CYFIP1: variants seen among roughly 807,000 people sequenced by gnomAD.
CYFIP1 encodes cytoplasmic FMR1 interacting protein 1, also known as cytoplasmic FMR1-interacting protein 1.
In CYFIP1, 58 loss-of-function variants were observed where a neutral mutation model predicts 163.5. That is an observed-to-expected ratio of 0.35 (90% CI 0.29 to 0.44). The LOEUF (loss-of-function observed/expected upper bound fraction) is 0.44. Ranked by LOEUF, CYFIP1 falls within the 20% of genes least tolerant of loss-of-function variation. The probability of loss-of-function intolerance (pLI) is 1.00; values close to 1 mark genes in which losing one functional copy is unlikely to be tolerated. For missense variants in CYFIP1, 1,338 were observed against 1,653.8 expected, an observed-to-expected ratio of 0.81 and a Z score of 3.31; for synonymous variants, 663 against 660.7, an observed-to-expected ratio of 1.00 and a Z score of -0.05.
chr15:22,914,409 A>C (rs1170108818), intron 17 of CYFIP1, among the ~76,000 whole-genome samples: 1 of 150,596 alleles, frequency 6.6e-6, no homozygotes, highest in Non-Finnish European at 1.5e-5. Context: ...GCTTTACCCC[A>C]GGAAACATGA....
intron 23 of CYFIP1, among the ~76,000 whole-genome samples, chr15:22,888,609 G>C (rs1278178994): frequency 6.6e-6 from 1 of 152,024 alleles, no homozygotes; most frequent in Non-Finnish European, 1.5e-5. Flanking sequence ...GTGCATGCCT[G>C]TAGTCCCAGC....
chr15:22,892,938 T>C lies in CYFIP1; in HGVS notation c.2628A>G (p.Gln876=). 1 of 1,613,818 alleles carries C rather than the reference T, an allele frequency of 6.2e-7. No homozygotes were observed. Among genetic ancestry groups the C allele is most frequent in the Admixed American group, 1.7e-5 (1 of 60,018 alleles). Reference sequence around the variant, plus strand: ...GCTGTGCATTAGGCTGCTTATCTCTTTGAAATTCCTGAGAAAATGGTAACA... The same window carrying C: ...GCTGTGCATTAGGCTGCTTATCTCTCTGAAATTCCTGAGAAAATGGTAACA... The part of the protein sequence containing the change: ...RTVLPFSQEF[Q]RDKQPNAQPQ... The change falls in exon 23 of 31, where the codon CAA becomes CAG. Residue 876 remains glutamine (Q), a synonymous_variant. Transcript: ENST00000617928.
intron 1 of CYFIP1, among the ~76,000 whole-genome samples, chr15:22,955,476 G>T (rs566094010): frequency 6.6e-6 from 1 of 152,330 alleles, no homozygotes; most frequent in Admixed American, 6.5e-5. Flanking sequence ...GCAGCATGGA[G>T]CTGGAGCCAC....
chr15:22,933,925 T>C (rs2061618354), intron 9 of CYFIP1, 32 bp from the exon 10 acceptor site: 2 of 1,501,858 alleles, frequency 1.3e-6, no homozygotes, highest in African/African-American at 1.4e-5. Context: ...ATAGAGTCAT[T>C]ATGTATATTT....
At chr15:22,979,623 T>C (rs1158590667) in intron 1 of CYFIP1, among the ~76,000 whole-genome samples, 1 of 152,172 alleles carries the variant, frequency 6.6e-6, no homozygotes, top group Non-Finnish European at 1.5e-5. Flanking sequence ...TGCACCCTTC[T>C]TGTCACACCC....
chr15:22,952,654 C>T (rs1362572455), intron 1 of CYFIP1, among the ~76,000 whole-genome samples: 1 of 1,896 alleles, frequency 5.3e-4, no homozygotes, highest in East Asian at 0.013. Context: ...GGTGAGACTC[C>T]ATCTCAAAAA....
chr15:22,885,899 C>G (rs567080538), intron 23 of CYFIP1, among the ~76,000 whole-genome samples: 73 of 152,268 alleles, frequency 4.8e-4, no homozygotes, highest in South Asian at 1.5e-3. Flanking sequence ...AGCAGTACTC[C>G]ACTCTACCAG....
chr15:22,885,275 G>A (rs1275663129), intron 23 of CYFIP1, among the ~76,000 whole-genome samples: 3 of 152,202 alleles, frequency 2.0e-5, no homozygotes, highest in East Asian at 1.9e-4. Context: ...CAAGTTCAAT[G>A]TACCACGTAT....
chr15:22,972,309 G>A (rs1368700843), intron 1 of CYFIP1, among the ~76,000 whole-genome samples: 10 of 152,090 alleles, frequency 6.6e-5, no homozygotes, highest in Admixed American at 1.3e-4. Context: ...GGTGGCGCAC[G>A]CCTGTAATCC....
At chr15:22,887,250 C>A (rs2059949979) in intron 23 of CYFIP1, among the ~76,000 whole-genome samples, 1 of 152,140 alleles carries the variant, frequency 6.6e-6, no homozygotes, top group Non-Finnish European at 1.5e-5. Context: ...AAACAAAGAG[C>A]CAAAACTGAT....
At chr15:22,876,836 A>AG (rs1204683652) in intron 26 of CYFIP1, among the ~76,000 whole-genome samples, 1 of 151,652 alleles carries the variant, frequency 6.6e-6, no homozygotes, top group Non-Finnish European at 1.5e-5. Context: ...CAGTCTAAAA[A>AG]AAAAAAGAAA....
rs77879341 is a variant in CYFIP1 at position 22,967,293 on chromosome 15, G to A, written c.-7+12994C>T. Among the ~76,000 whole-genome samples the A allele has an allele frequency of 8.7e-3, 1,320 of 152,236 alleles. 17 individuals are homozygous for A. Among genetic ancestry groups the A allele is most frequent in the African/African-American group, 0.03 (1,234 of 41,520 alleles). ...CCTCAAAAGTGACAATGGCCTGGAC[G>A]GGGCCCGACTAAGCCCTGCTGGCTG... On this transcript the variant is annotated intron_variant, in intron 1 of 30. Transcript: ENST00000617928.
chr15:22,930,528 A>C (rs1458053931), intron 11 of CYFIP1, among the ~76,000 whole-genome samples: 1 of 152,146 alleles, frequency 6.6e-6, no homozygotes, highest in Non-Finnish European at 1.5e-5. Flanking sequence ...TGGTGCTCCC[A>C]TAAAATCTTA....
At position 22,892,804 on chromosome 15, in the gene CYFIP1, C is replaced by A; in HGVS notation, c.2676+86G>T. The A allele has an allele frequency of 4.2e-6, 4 of 945,806 alleles. No individual in the cohort carries two copies. The Admixed American group carries it at 6.0e-5, about 14-fold the overall frequency. 58.6% of individuals were successfully genotyped at this position (945,806 alleles called of 1,614,324 possible). Reference sequence around the variant, plus strand: ...TATACACAGCGTGATACATTTAGGTCACTGCAACCAAACCAATTAAACTAC... The same window carrying A: ...TATACACAGCGTGATACATTTAGGTAACTGCAACCAAACCAATTAAACTAC... On this transcript the variant is annotated intron_variant, in intron 23 of 30. Transcript: ENST00000617928.
intron 23 of CYFIP1, among the ~76,000 whole-genome samples, chr15:22,885,706 C>A (rs567761894): frequency 3.9e-5 from 6 of 152,244 alleles, no homozygotes; most frequent in Admixed American, 2.0e-4. Flanking sequence ...GCACTCCAGC[C>A]TGGGCAACAG....
intron 17 of CYFIP1, 194 bp from the exon 18 acceptor site, chr15:22,912,469 C>G: frequency 2.0e-6 from 1 of 503,618 alleles, no homozygotes. Flanking sequence ...ACCCACCAGG[C>G]TGCGAGGATG....
intron 13 of CYFIP1, 59 bp downstream of exon 13, chr15:22,925,923 G>A (rs1310952567): frequency 6.3e-7 from 1 of 1,593,690 alleles, no homozygotes; most frequent in Non-Finnish European, 8.6e-7. Flanking sequence ...GCTTTTGACA[G>A]AGAAGATGGT....
At chr15:22,916,328 A>T (rs2142099792) in intron 16 of CYFIP1, 149 bp downstream of exon 16, 1 of 655,358 alleles carries the variant, frequency 1.5e-6, no homozygotes, top group Non-Finnish European at 2.6e-6. Context: ...CCAGGGACGT[A>T]CAGCCACCGC....
In CYFIP1 at chr15:22,903,908, G is replaced by C. The variant is rs749811644; in HGVS notation, c.2389-3C>G. 1 of 1,613,580 alleles carries C rather than the reference G, an allele frequency of 6.2e-7. No homozygotes were observed. The highest frequency in any genetic ancestry group is 8.5e-7 in the Non-Finnish European group (1 of 1,179,844). On this transcript the variant is annotated splice_region_variant and splice_polypyrimidine_tract_variant and intron_variant, in intron 21 of 30. Coordinates refer to ENST00000617928, the MANE Select transcript of CYFIP1 (RefSeq NM_014608.6). Reference sequence around the variant, plus strand: ...ATTTCCAACAGGCCATCCAGCTCCTGTGGCACCAAAGACAGGGGTGGGTGA... The same window carrying C: ...ATTTCCAACAGGCCATCCAGCTCCTCTGGCACCAAAGACAGGGGTGGGTGA...
Sources: allele counts gnomAD v4.1 joint callset (sites outside exome capture counted in the v4.1 genomes callset), GRCh38; gene constraint gnomAD v4.1.1; transcripts MANE v1.5; gene names NCBI Gene and HGNC (gene_info 2026-07-23, HGNC 2026-07-21).